The following PHACTR1 variants were observed in gnomAD, a reference collection of about 807,000 sequenced individuals.
PHACTR1 encodes the protein phosphatase and actin regulator 1, also known as RPEL repeat containing 1.
A neutral mutation model predicts 69.2 loss-of-function variants in PHACTR1; 16 were observed. The ratio of observed to expected loss-of-function variants is 0.23; its 90% CI spans 0.16 to 0.35. PHACTR1 has a LOEUF of 0.35. Among genes scored for constraint, PHACTR1 ranks in the 10% least tolerant of loss-of-function variants. PHACTR1 has a pLI of 1.00. For synonymous variants in PHACTR1, 312 were observed against 284.5 expected, an observed-to-expected ratio of 1.10 and a Z score of -0.97; for missense variants, 510 against 734.7, an observed-to-expected ratio of 0.69 and a Z score of 3.54.
At chr6:13,208,181 C>T (rs984144140) in intron 8 of PHACTR1, among the ~76,000 whole-genome samples, 2 of 152,184 alleles carry the variant, frequency 1.3e-5, no homozygotes, top group African/African-American at 4.8e-5. Flanking sequence ...ATTTAATCCT[C>T]ACATCATCTA....
At chr6:12,867,737 A>G (rs1055540043) in intron 4 of PHACTR1, among the ~76,000 whole-genome samples, 4 of 152,194 alleles carry the variant, frequency 2.6e-5, no homozygotes, top group African/African-American at 7.2e-5. Flanking sequence ...AGGTGACTAC[A>G]TTGCAAGATG....
In PHACTR1 at chr6:13,275,418, G is replaced by A. The variant is rs890345505; in HGVS notation, c.1447+2503G>A. The A allele has an allele frequency of 6.6e-6, 1 of 152,188 alleles. No individual in the cohort carries two copies. The highest frequency in any genetic ancestry group is 2.4e-5 in the African/African-American group (1 of 41,434). The allele number at this position is 152,188 out of a possible 1,614,324, so 9.4% of individuals were successfully genotyped here. On this transcript the variant is annotated intron_variant, in intron 11 of 14. Transcript: ENST00000332995. This position sits in a 1 kb window ranked among gnomAD's most constrained non-coding sequence, Gnocchi z 4.0. ...GTTGGTCAATGGCTTTGAACTAAAG[G>A]TATCAATTCTGTAGGTGGTAGCTTG... is the stretch of plus-strand genomic sequence containing the variant.
intron 12 of PHACTR1, among the ~76,000 whole-genome samples, chr6:13,278,734 G>C (rs1779489450): frequency 6.6e-6 from 1 of 152,148 alleles, no homozygotes; most frequent in Non-Finnish European, 1.5e-5. Flanking sequence ...AAGGTGAGTG[G>C]ATAGCTTGAA....
intron 4 of PHACTR1, among the ~76,000 whole-genome samples, chr6:13,034,690 AT>A (rs1297052137): frequency 6.6e-6 from 1 of 152,190 alleles, no homozygotes; most frequent in Non-Finnish European, 1.5e-5. Context: ...TGGCTTCTAT[AT>A]TTGCAAATAA....
In PHACTR1 at chr6:12,886,130, A is replaced by T. The variant is rs190791272; in HGVS notation, c.250+136340A>T. Among the ~76,000 whole-genome samples the T allele has an allele frequency of 5.9e-5, 9 of 151,834 alleles. No individual in the cohort carries two copies. In the East Asian group the frequency reaches 1.2e-3, roughly 20 times the overall value. On this transcript the variant is annotated intron_variant, in intron 4 of 14. Coordinates refer to ENST00000332995, the MANE Select transcript of PHACTR1 (RefSeq NM_030948.6). ...ACAAAAACAGAAAACAAAACAAAAA[A>T]CCCTGTCCAAGGAAGCTTCATAACT... is the stretch of plus-strand genomic sequence containing the variant.
chr6:13,035,152 T>C (rs1803123714), intron 4 of PHACTR1, among the ~76,000 whole-genome samples: 1 of 152,232 alleles, frequency 6.6e-6, no homozygotes. Flanking sequence ...CCAAATTATT[T>C]TATATTCCCT....
At chr6:12,740,145 G>A (rs1213100765) in intron 3 of PHACTR1, among the ~76,000 whole-genome samples, 2 of 152,068 alleles carry the variant, frequency 1.3e-5, no homozygotes, top group Non-Finnish European at 2.9e-5. Context: ...ATTCGTCCTT[G>A]TTGCTGCATG....
At chr6:12,761,432 T>C (rs1011345107) in intron 4 of PHACTR1, among the ~76,000 whole-genome samples, 15 of 152,248 alleles carry the variant, frequency 9.9e-5, no homozygotes, top group Non-Finnish European at 4.4e-5. Flanking sequence ...CATCATTATA[T>C]GAAATGTGGT....
chr6:13,081,056 T>C (rs1309586391), intron 5 of PHACTR1, among the ~76,000 whole-genome samples: 1 of 152,066 alleles, frequency 6.6e-6, no homozygotes, highest in Non-Finnish European at 1.5e-5. Context: ...GAATAGAGAG[T>C]AGTCCAGAGT....
At chr6:13,211,433 G>A (rs12665414) in intron 8 of PHACTR1, among the ~76,000 whole-genome samples, 2 of 151,954 alleles carry the variant, frequency 1.3e-5, no homozygotes, top group Admixed American at 6.6e-5. Flanking sequence ...TAATCAGGAC[G>A]CCGTTTCTTT....
intron 4 of PHACTR1, among the ~76,000 whole-genome samples, chr6:12,873,264 A>T (rs1782231146): frequency 6.6e-6 from 1 of 152,112 alleles, no homozygotes; most frequent in African/African-American, 2.4e-5. Context: ...TGATCTTCCC[A>T]CATTAGCCTC....
At chr6:13,255,320 C>T (rs1224812708) in intron 10 of PHACTR1, among the ~76,000 whole-genome samples, 1 of 152,228 alleles carries the variant, frequency 6.6e-6, no homozygotes, top group African/African-American at 2.4e-5. Context: ...CACCTCCCAC[C>T]AGGTCCCACC....
At chr6:12,719,340 G>A (rs1360887959) in intron 3 of PHACTR1, among the ~76,000 whole-genome samples, 1 of 152,156 alleles carries the variant, frequency 6.6e-6, no homozygotes, top group Non-Finnish European at 1.5e-5. Context: ...TACATTCAGG[G>A]AGCAAGCCTC....
chr6:12,811,536 A>C (rs144622940), intron 4 of PHACTR1, among the ~76,000 whole-genome samples: 213 of 152,368 alleles, frequency 1.4e-3, no homozygotes, highest in Non-Finnish European at 2.6e-3. Context: ...AGATTAGTGT[A>C]CGTGATGTAT....
intron 4 of PHACTR1, among the ~76,000 whole-genome samples, chr6:12,806,592 C>T (rs1774357878): frequency 6.6e-6 from 1 of 152,168 alleles, no homozygotes; most frequent in Admixed American, 6.5e-5. Context: ...GCTGGGATTA[C>T]AGGCTCAGCC....
intron 10 of PHACTR1, chr6:13,272,577 G>A (rs1228641842): frequency 2.8e-6 from 2 of 726,858 alleles, no homozygotes; most frequent in Non-Finnish European, 4.2e-6. Flanking sequence ...CGTCTGAGTT[G>A]CAGTCCACTT....
At chr6:13,131,200 TATACACATACACACACACAC>T (rs201446849) in intron 5 of PHACTR1, among the ~76,000 whole-genome samples, 1 of 34,528 alleles carries the variant, frequency 2.9e-5, no homozygotes, top group Non-Finnish European at 9.8e-5. Context: ...CACATATATA[TATACACATACACACACACAC>T]ACACACACAC....
At chr6:12,926,721 A>T (rs999570145) in intron 4 of PHACTR1, among the ~76,000 whole-genome samples, 1 of 152,240 alleles carries the variant, frequency 6.6e-6, no homozygotes, top group African/African-American at 2.4e-5. Context: ...CAGGATTTAT[A>T]GAGTGACTTT....
intron 5 of PHACTR1, among the ~76,000 whole-genome samples, chr6:13,073,564 G>A (rs11970331): frequency 0.069 from 10,504 of 151,378 alleles, 1,243 homozygotes; most frequent in African/African-American, 0.24. Context: ...GGCTGATCTC[G>A]AACTCCTGAC....
Sources: allele counts gnomAD v4.1 joint callset (sites outside exome capture counted in the v4.1 genomes callset), GRCh38; gene constraint gnomAD v4.1.1; non-coding constraint Gnocchi (gnomAD v3.1); transcripts MANE v1.5; gene names NCBI Gene and HGNC (gene_info 2026-07-23, HGNC 2026-07-21).